Variants in TMEM132D observed in about 807,000 individuals in gnomAD.
The protein encoded by TMEM132D is transmembrane protein 132D.
A neutral mutation model predicts 62.3 loss-of-function variants in TMEM132D; 21 were observed. That is an observed-to-expected ratio of 0.34 (90% confidence interval 0.24 to 0.49). The LOEUF (loss-of-function observed/expected upper bound fraction) is 0.49, where lower values mean the gene tolerates loss of function less well. TMEM132D is among the 20% of genes least tolerant of loss of function. The pLI, the probability that TMEM132D is intolerant of heterozygous loss-of-function variation, is 0.99. For synonymous variants in TMEM132D, 621 were observed against 575.6 expected (o/e 1.08, Z -1.13); for missense variants, 1,346 against 1,402.8 (o/e 0.96, Z 0.65).
At chr12:129,138,132 G>GAT (rs1876639545) in intron 5 of TMEM132D, among the ~76,000 whole-genome samples, 1 of 152,078 alleles carries the variant, frequency 6.6e-6, no homozygotes, top group South Asian at 2.1e-4. Flanking sequence ...TACCCTCCCA[G>GAT]GGTAAAGAAG....
intron 5 of TMEM132D, among the ~76,000 whole-genome samples, chr12:129,108,445 G>A (rs1593263778): frequency 6.6e-6 from 1 of 152,296 alleles, no homozygotes; most frequent in East Asian, 1.9e-4. Flanking sequence ...CAAAGTCCTG[G>A]GTAGTAGACG....
intron 4 of TMEM132D, among the ~76,000 whole-genome samples, chr12:129,295,037 C>T (rs576313311): frequency 1.3e-5 from 2 of 152,252 alleles, no homozygotes; most frequent in Admixed American, 6.5e-5. Context: ...AAGCAAATTG[C>T]CCTCCATAAT....
intron 3 of TMEM132D, among the ~76,000 whole-genome samples, chr12:129,507,015 AAAC>A (rs1375833932): frequency 1.3e-5 from 2 of 152,144 alleles, no homozygotes; most frequent in Non-Finnish European, 2.9e-5. Flanking sequence ...AGCAAGAAAA[AAAC>A]AAACAATCCC....
At chr12:129,759,600 G>T (rs1417196178) in intron 1 of TMEM132D, among the ~76,000 whole-genome samples, 1 of 152,164 alleles carries the variant, frequency 6.6e-6, no homozygotes, top group Non-Finnish European at 1.5e-5. Flanking sequence ...GTAGGTAAAA[G>T]TCCCAGTGCC....
At chr12:129,525,705 T>C (rs908296378) in intron 3 of TMEM132D, among the ~76,000 whole-genome samples, 1 of 152,202 alleles carries the variant, frequency 6.6e-6, no homozygotes, top group Non-Finnish European at 1.5e-5. Flanking sequence ...GCTTTTCCTC[T>C]CTGGTCATCT....
intron 4 of TMEM132D, among the ~76,000 whole-genome samples, chr12:129,261,595 G>A (rs1880551753): frequency 6.6e-6 from 1 of 152,106 alleles, no homozygotes; most frequent in Non-Finnish European, 1.5e-5. Flanking sequence ...TGGATGATTT[G>A]AACAACAGAA....
intron 1 of TMEM132D, among the ~76,000 whole-genome samples, chr12:129,895,630 C>A (rs375729371): frequency 6.6e-6 from 1 of 152,150 alleles, no homozygotes; most frequent in African/African-American, 2.4e-5. Flanking sequence ...TCACCTCATA[C>A]GAACATTCCT....
intron 3 of TMEM132D, among the ~76,000 whole-genome samples, chr12:129,345,093 G>T (rs1455591620): frequency 6.6e-6 from 1 of 151,982 alleles, no homozygotes; most frequent in Non-Finnish European, 1.5e-5. Context: ...ATCCACTATT[G>T]CCCAGAACCT....
intron 2 of TMEM132D, among the ~76,000 whole-genome samples, chr12:129,621,862 A>G (rs1485415488): frequency 1.3e-5 from 2 of 152,090 alleles, no homozygotes; most frequent in Non-Finnish European, 2.9e-5. Flanking sequence ...GTGCGGGTGA[A>G]ACCACCTCCC....
intron 3 of TMEM132D, among the ~76,000 whole-genome samples, chr12:129,508,743 C>CAA (rs72379095): frequency 0.081 from 12,290 of 151,624 alleles, 575 homozygotes; most frequent in South Asian, 0.17. Context: ...CTAAGAGTCT[C>CAA]AAAAAAAATC....
chr12:129,188,022 G>T (rs149291800), intron 5 of TMEM132D, among the ~76,000 whole-genome samples: 2 of 152,266 alleles, frequency 1.3e-5, no homozygotes, highest in African/African-American at 4.8e-5. Flanking sequence ...AACATGACGC[G>T]GTAGACTGAC....
intron 5 of TMEM132D, among the ~76,000 whole-genome samples, chr12:129,142,506 A>G (rs1277343814): frequency 1.3e-5 from 2 of 152,218 alleles, no homozygotes; most frequent in African/African-American, 4.8e-5. Flanking sequence ...GCATTTATGA[A>G]GATCTGATAT....
chr12:129,509,097 G>T (rs1875425698), intron 3 of TMEM132D, among the ~76,000 whole-genome samples: 2 of 152,124 alleles, frequency 1.3e-5, no homozygotes, highest in African/African-American at 4.8e-5. Context: ...CCAATTGAAT[G>T]ATTCAGAATG....
chr12:129,864,196 A>C (rs899032545), intron 1 of TMEM132D, among the ~76,000 whole-genome samples: 1 of 152,178 alleles, frequency 6.6e-6, no homozygotes, highest in Non-Finnish European at 1.5e-5. Flanking sequence ...AATTAAAACC[A>C]AAGCATCAGC....
chr12:129,532,513 C>A (rs957659606), intron 2 of TMEM132D, among the ~76,000 whole-genome samples: 1 of 152,148 alleles, frequency 6.6e-6, no homozygotes, highest in Non-Finnish European at 1.5e-5. Context: ...AACGCTATTT[C>A]CCATGGAAAC....
chr12:129,408,502 C>T (rs1173042881), intron 3 of TMEM132D, among the ~76,000 whole-genome samples: 1 of 151,034 alleles, frequency 6.6e-6, no homozygotes, highest in Admixed American at 6.6e-5. Context: ...ATCCTTATCC[C>T]CTTTAGCAAA....
intron 5 of TMEM132D, among the ~76,000 whole-genome samples, chr12:129,195,585 A>C (rs989675492): frequency 6.6e-6 from 1 of 152,114 alleles, no homozygotes; most frequent in African/African-American, 2.4e-5. Flanking sequence ...TGACCCACTT[A>C]TCTGGTTCTA....
chr12:129,849,531 T>C (rs1220765594), intron 1 of TMEM132D, among the ~76,000 whole-genome samples: 2 of 152,214 alleles, frequency 1.3e-5, no homozygotes, highest in Non-Finnish European at 2.9e-5. Context: ...CTATAGATGA[T>C]GACTATTTAT....
chr12:129,606,080 G>C (rs1878617585), intron 2 of TMEM132D, among the ~76,000 whole-genome samples: 1 of 152,128 alleles, frequency 6.6e-6, no homozygotes, highest in African/African-American at 2.4e-5. Flanking sequence ...AAACAAAAAA[G>C]ACACTTTCTC....
Sources: gnomAD v4.1 joint callset for allele counts (sites outside exome capture counted in the v4.1 genomes callset) on GRCh38, gnomAD v4.1.1 for gene constraint, MANE v1.5 for transcripts, NCBI Gene and HGNC (gene_info 2026-07-23, HGNC 2026-07-21) for gene names.